The following MYRIP variants were observed in gnomAD, a reference collection of about 807,000 sequenced individuals.
MYRIP encodes the protein rab effector MyRIP.
MYRIP carries 49 observed loss-of-function variants against 98.0 expected under a neutral mutation model. That is an observed-to-expected ratio of 0.50 (90% CI 0.40 to 0.63). MYRIP has a LOEUF of 0.63. Ranked by LOEUF, MYRIP falls within the 30% of genes least tolerant of loss-of-function variation. The probability of loss-of-function intolerance (pLI) is 0.00; values close to 1 mark genes in which losing one functional copy is unlikely to be tolerated. For synonymous variants in MYRIP, 404 were observed against 409.5 expected, an observed-to-expected ratio of 0.99 and a Z score of 0.16; for missense variants, 1,004 against 1,058.2, an observed-to-expected ratio of 0.95 and a Z score of 0.71.
rs1183652369 is a variant in MYRIP at position 40,220,520 on chromosome 3, A to G, written c.1905+10427A>G. Among the ~76,000 whole-genome samples the G allele has an allele frequency of 2.0e-5, 3 of 152,210 alleles. No individual in the cohort carries two copies. In the East Asian group the frequency reaches 5.8e-4, roughly 29 times the overall value. ...ATGACTGCATAAATATTAAGAACTT[A>G]TGTTAATCAAAACCATAAAATTAAA... On this transcript the variant is annotated intron_variant, in intron 11 of 16. Transcript: ENST00000302541.
intron 2 of MYRIP, among the ~76,000 whole-genome samples, chr3:40,030,456 A>T (rs978956112): frequency 3.9e-5 from 6 of 152,268 alleles, no homozygotes; most frequent in East Asian, 3.9e-4. Context: ...AGTTAAAAAA[A>T]GTGTTACTAT....
intron 2 of MYRIP, among the ~76,000 whole-genome samples, chr3:39,958,371 G>C (rs1238085439): frequency 6.6e-6 from 1 of 152,070 alleles, no homozygotes; most frequent in Non-Finnish European, 1.5e-5. Context: ...CAGAAATAAT[G>C]CCACAAAGCT....
At chr3:40,146,019 T>C (rs553611477) in intron 3 of MYRIP, among the ~76,000 whole-genome samples, 1 of 152,340 alleles carries the variant, frequency 6.6e-6, no homozygotes, top group Admixed American at 6.5e-5. Context: ...AAAAAATGTC[T>C]TCTTTGAGCC....
At chr3:40,057,373 G>C (rs1168878188) in intron 3 of MYRIP, among the ~76,000 whole-genome samples, 1 of 152,110 alleles carries the variant, frequency 6.6e-6, no homozygotes, top group Non-Finnish European at 1.5e-5. Flanking sequence ...TATTTCAAAG[G>C]GGCTGAAGTT....
At chr3:39,916,677 C>A (rs1044004802) in intron 2 of MYRIP, among the ~76,000 whole-genome samples, 1 of 151,990 alleles carries the variant, frequency 6.6e-6, no homozygotes, top group African/African-American at 2.4e-5. Context: ...CCCCACAAAC[C>A]TTCCTCATTT....
chr3:40,159,443 C>T (rs1199479274), intron 4 of MYRIP, among the ~76,000 whole-genome samples: 3 of 152,066 alleles, frequency 2.0e-5, no homozygotes, highest in Non-Finnish European at 1.5e-5. Context: ...TCCTTCATTT[C>T]AAGTTTGGTG....
chr3:40,090,862 G>A (rs778315795), intron 3 of MYRIP, among the ~76,000 whole-genome samples: 4 of 152,146 alleles, frequency 2.6e-5, no homozygotes, highest in Non-Finnish European at 4.4e-5. Context: ...GGTGGGCTGT[G>A]GAACCTTAAG....
At chr3:40,139,447 T>C (rs918008008) in intron 3 of MYRIP, among the ~76,000 whole-genome samples, 3 of 152,264 alleles carry the variant, frequency 2.0e-5, no homozygotes, top group South Asian at 2.1e-4. Flanking sequence ...GATCTGCTTT[T>C]TGTCAATGTA....
chr3:39,813,430 C>A (rs966980533), intron 1 of MYRIP, among the ~76,000 whole-genome samples: 5 of 152,150 alleles, frequency 3.3e-5, no homozygotes, highest in African/African-American at 4.8e-5. Flanking sequence ...CCATAATCAC[C>A]AAGAGTGTTG....
At chr3:39,935,692 A>G (rs536872570) in intron 2 of MYRIP, among the ~76,000 whole-genome samples, 12 of 152,308 alleles carry the variant, frequency 7.9e-5, no homozygotes, top group African/African-American at 2.6e-4. Flanking sequence ...TTTACAGTCA[A>G]TGCAGAGATG....
At chr3:39,855,796 G>A (rs183567716) in intron 1 of MYRIP, among the ~76,000 whole-genome samples, 2 of 152,094 alleles carry the variant, frequency 1.3e-5, no homozygotes, top group Non-Finnish European at 2.9e-5. Context: ...GGCAGCTCCT[G>A]CACTCCTGCA....
intron 3 of MYRIP, among the ~76,000 whole-genome samples, chr3:40,120,867 G>A (rs1949387982): frequency 6.6e-6 from 1 of 152,172 alleles, no homozygotes; most frequent in Non-Finnish European, 1.5e-5. Context: ...CTAAAGAAAG[G>A]TTATATTCAA....
intron 2 of MYRIP, among the ~76,000 whole-genome samples, chr3:40,029,720 A>G (rs891276837): frequency 6.6e-6 from 1 of 152,114 alleles, no homozygotes; most frequent in Non-Finnish European, 1.5e-5. Flanking sequence ...TCTAGAATAT[A>G]TAAAAAACCC....
chr3:40,199,052 T>G (rs1289939319), intron 10 of MYRIP, among the ~76,000 whole-genome samples: 1 of 152,136 alleles, frequency 6.6e-6, no homozygotes. Context: ...TACCAAAAAT[T>G]TGTCTCTGAG....
intron 2 of MYRIP, among the ~76,000 whole-genome samples, chr3:40,005,225 A>C (rs201412498): frequency 1.2e-3 from 180 of 152,278 alleles, no homozygotes; most frequent in African/African-American, 4.1e-3. Context: ...CTATTGCCTA[A>C]TTTCCACACT....
At chr3:39,852,810 C>T (rs934834634) in intron 1 of MYRIP, among the ~76,000 whole-genome samples, 1 of 152,050 alleles carries the variant, frequency 6.6e-6, no homozygotes, top group African/African-American at 2.4e-5. Context: ...TCGAGATAGT[C>T]TCACTCTGTT....
chr3:39,897,826 C>CTTTTTTTTT (rs66846258), intron 1 of MYRIP, among the ~76,000 whole-genome samples: 1 of 134,098 alleles, frequency 7.5e-6, no homozygotes, highest in Non-Finnish European at 1.6e-5. Context: ...AAGTCCTGAT[C>CTTTTTTTTT]TTTTTTTTTT....
At chr3:40,064,193 C>A (rs1199990842) in intron 3 of MYRIP, among the ~76,000 whole-genome samples, 1 of 151,840 alleles carries the variant, frequency 6.6e-6, no homozygotes, top group Non-Finnish European at 1.5e-5. Flanking sequence ...ACAGTACCCC[C>A]CTTTTACAGT....
intron 2 of MYRIP, among the ~76,000 whole-genome samples, chr3:39,992,260 T>A (rs552197097): frequency 2.0e-5 from 3 of 152,296 alleles, no homozygotes; most frequent in Admixed American, 2.0e-4. Flanking sequence ...ATCCCCGGAC[T>A]CTTTCCCCAT....
Sources: allele counts gnomAD v4.1 joint callset (sites outside exome capture counted in the v4.1 genomes callset), GRCh38; gene constraint gnomAD v4.1.1; transcripts MANE v1.5; gene names NCBI Gene and HGNC (gene_info 2026-07-23, HGNC 2026-07-21).